AUTS2: variants seen among roughly 807,000 people sequenced by gnomAD.
AUTS2 encodes the protein autism susceptibility gene 2 protein.
In AUTS2, 17 loss-of-function variants were observed where a neutral mutation model predicts 112.4. The observed-to-expected ratio is 0.15, with a 90% confidence interval of 0.10 to 0.23. The LOEUF is 0.23. Among genes scored for constraint, AUTS2 ranks in the 10% least tolerant of loss-of-function variants. AUTS2 has a pLI of 1.00. For synonymous variants in AUTS2, 751 were observed against 702.7 expected (o/e 1.07, Z -1.09); for missense variants, 1,510 against 1,701.6 (o/e 0.89, Z 1.98).
At chr7:69,980,835 A>C (rs1033278674) in intron 2 of AUTS2, among the ~76,000 whole-genome samples, 1 of 152,212 alleles carries the variant, frequency 6.6e-6, no homozygotes, top group Non-Finnish European at 1.5e-5. Context: ...AGGAGTTTAC[A>C]ATGTGCAGTG....
chr7:69,689,022 G>C (rs771784360), intron 1 of AUTS2, among the ~76,000 whole-genome samples: 4 of 152,130 alleles, frequency 2.6e-5, no homozygotes, highest in Non-Finnish European at 5.9e-5. Flanking sequence ...GGCACTGTCT[G>C]GGATGTGCAG....
At chr7:69,769,908 G>T (rs768046092) in intron 1 of AUTS2, among the ~76,000 whole-genome samples, 1 of 152,232 alleles carries the variant, frequency 6.6e-6, no homozygotes, top group Non-Finnish European at 1.5e-5. Context: ...TCAGAACAGT[G>T]CCTGCCATGT....
intron 1 of AUTS2, among the ~76,000 whole-genome samples, chr7:69,674,521 T>C (rs1203661519): frequency 1.1e-5 from 1 of 92,344 alleles, no homozygotes; most frequent in Admixed American, 1.1e-4. Flanking sequence ...CCTGAGACAT[T>C]GTAAACACTT....
chr7:69,748,080 T>A (rs1390236852), intron 1 of AUTS2, among the ~76,000 whole-genome samples: 1 of 152,168 alleles, frequency 6.6e-6, no homozygotes, highest in East Asian at 1.9e-4. Flanking sequence ...CTTCCTAATA[T>A]GAAACTTGAG....
intron 2 of AUTS2, among the ~76,000 whole-genome samples, chr7:70,095,706 C>T (rs2129568476): frequency 6.6e-6 from 1 of 152,130 alleles, no homozygotes; most frequent in Middle Eastern, 3.4e-3. Context: ...TTTATATTGC[C>T]TTTGTATTCA....
chr7:70,426,572 C>T (rs1021966932), intron 4 of AUTS2, among the ~76,000 whole-genome samples: 2 of 152,178 alleles, frequency 1.3e-5, no homozygotes, highest in African/African-American at 2.4e-5. Flanking sequence ...CCGACAGGCA[C>T]AGAGATGAGA....
At chr7:69,938,251 A>G (rs1448581651) in intron 2 of AUTS2, among the ~76,000 whole-genome samples, 1 of 152,104 alleles carries the variant, frequency 6.6e-6, no homozygotes, top group Non-Finnish European at 1.5e-5. Context: ...TCCTCTTTCC[A>G]GGTGCTGTCT....
intron 5 of AUTS2, among the ~76,000 whole-genome samples, chr7:70,683,207 G>T (rs1411312497): frequency 1.3e-5 from 2 of 152,168 alleles, no homozygotes; most frequent in Non-Finnish European, 2.9e-5. Flanking sequence ...AGCCATATGG[G>T]TTTCTATATT....
chr7:70,405,603 C>T (rs1794497737), intron 4 of AUTS2, among the ~76,000 whole-genome samples: 1 of 152,096 alleles, frequency 6.6e-6, no homozygotes, highest in Admixed American at 6.6e-5. Context: ...TTCAAATACT[C>T]GATAAAGCGT....
chr7:70,383,984 C>G (rs1239390512), intron 4 of AUTS2, among the ~76,000 whole-genome samples: 1 of 152,198 alleles, frequency 6.6e-6, no homozygotes, highest in Non-Finnish European at 1.5e-5. Flanking sequence ...CAGCCACTTG[C>G]ATTAATGATG....
intron 5 of AUTS2, among the ~76,000 whole-genome samples, chr7:70,630,965 A>C (rs1805227040): frequency 6.6e-6 from 1 of 152,134 alleles, no homozygotes; most frequent in Non-Finnish European, 1.5e-5. Context: ...CTGAGACTTT[A>C]AAGGAAAATG....
intron 2 of AUTS2, among the ~76,000 whole-genome samples, chr7:70,096,471 G>A (rs370382952): frequency 4.6e-5 from 7 of 151,380 alleles, no homozygotes; most frequent in South Asian, 2.1e-4. Context: ...GGTGGCGGGC[G>A]CCTGTAATCC....
chr7:70,765,182 C>T (rs987664093), intron 8 of AUTS2, among the ~76,000 whole-genome samples, 177 bp downstream of exon 8: 3 of 152,150 alleles, frequency 2.0e-5, no homozygotes, highest in Non-Finnish European at 4.4e-5. Context: ...CCTGTCAGCA[C>T]CCATACTAAG....
intron 4 of AUTS2, among the ~76,000 whole-genome samples, chr7:70,233,228 C>T (rs1232586475): frequency 6.6e-6 from 1 of 152,144 alleles, no homozygotes; most frequent in African/African-American, 2.4e-5. Context: ...GCCCACTTTC[C>T]TACCCTCCCT....
chr7:70,191,510 C>A (rs1809891484), intron 4 of AUTS2, among the ~76,000 whole-genome samples: 1 of 152,092 alleles, frequency 6.6e-6, no homozygotes, highest in African/African-American at 2.4e-5. Flanking sequence ...TAATACAAGA[C>A]CAAATTTTTG....
intron 2 of AUTS2, among the ~76,000 whole-genome samples, chr7:70,026,426 A>G (rs1443236462): frequency 2.0e-5 from 3 of 152,084 alleles, no homozygotes; most frequent in Non-Finnish European, 2.9e-5. Context: ...TACAGCACAC[A>G]TGGGAGGCAG....
intron 5 of AUTS2, among the ~76,000 whole-genome samples, chr7:70,628,581 TC>T (rs534062468): frequency 6.7e-6 from 1 of 149,770 alleles, no homozygotes; most frequent in Non-Finnish European, 1.5e-5. Context: ...TCCCTCCCCC[TC>T]CCCCCCAAAA....
At chr7:70,512,633 A>T (rs913214095) in intron 5 of AUTS2, among the ~76,000 whole-genome samples, 5 of 152,172 alleles carry the variant, frequency 3.3e-5, no homozygotes, top group African/African-American at 1.2e-4. Context: ...AGAAGGCTGA[A>T]ATCCTTGTTA....
chr7:69,692,620 A>C (rs1797397604), intron 1 of AUTS2, among the ~76,000 whole-genome samples: 2 of 152,218 alleles, frequency 1.3e-5, no homozygotes, highest in Admixed American at 1.3e-4. Context: ...CCTGAGGGGA[A>C]ATGGAGAGAT....
Sources: allele counts gnomAD v4.1 joint callset (sites outside exome capture counted in the v4.1 genomes callset), GRCh38; gene constraint gnomAD v4.1.1; transcripts MANE v1.5; gene names NCBI Gene and HGNC (gene_info 2026-07-23, HGNC 2026-07-21).